FGF14: variants seen among roughly 807,000 people sequenced by gnomAD.
FGF14 encodes the protein fibroblast growth factor 14, also known as fibroblast growth factor homologous factor 4.
Under a neutral mutation model 25.5 loss-of-function variants are expected in FGF14, and 5 were observed. That is an observed-to-expected ratio of 0.20 (90% CI 0.10 to 0.41). The LOEUF is 0.41. Among genes scored for constraint, FGF14 ranks in the 10% least tolerant of loss-of-function variants. FGF14 has a pLI of 1.00. For synonymous variants in FGF14, 138 were observed against 118.3 expected (o/e 1.17, Z -1.08); for missense variants, 222 against 320.1 (o/e 0.69, Z 2.34).
At chr13:102,054,932 GC>G (rs2042366455) in intron 1 of FGF14, among the ~76,000 whole-genome samples, 2 of 152,228 alleles carry the variant, frequency 1.3e-5, no homozygotes, top group East Asian at 3.9e-4. Flanking sequence ...CCACAGCCAT[GC>G]CTTCATTTCT....
At chr13:102,280,288 G>A (rs1392738104) in intron 1 of FGF14, among the ~76,000 whole-genome samples, 2 of 152,142 alleles carry the variant, frequency 1.3e-5, no homozygotes, top group Non-Finnish European at 2.9e-5. Flanking sequence ...TTAACAGCTG[G>A]TACCAGAGTT....
chr13:102,300,823 T>C (rs2054999343), intron 1 of FGF14, among the ~76,000 whole-genome samples: 1 of 151,886 alleles, frequency 6.6e-6, no homozygotes, highest in South Asian at 2.1e-4. Context: ...CATGAGAGGA[T>C]TTTCAGGGAT....
chr13:101,773,699 AG>A (rs2139986080), intron 3 of FGF14, among the ~76,000 whole-genome samples: 1 of 151,882 alleles, frequency 6.6e-6, no homozygotes, highest in African/African-American at 2.4e-5. Flanking sequence ...AGTTGCAGAA[AG>A]ACTAGCTTAA....
chr13:101,941,648 G>T (rs961478515), intron 1 of FGF14, among the ~76,000 whole-genome samples: 1 of 152,170 alleles, frequency 6.6e-6, no homozygotes, highest in Non-Finnish European at 1.5e-5. Flanking sequence ...GCCATTTCTA[G>T]TTAGGCTTTT....
chr13:102,099,351 C>G (rs902672409), intron 1 of FGF14, among the ~76,000 whole-genome samples: 1 of 152,168 alleles, frequency 6.6e-6, no homozygotes, highest in Non-Finnish European at 1.5e-5. Flanking sequence ...TGCTCTTGCA[C>G]CGCTAAGCAC....
chr13:102,031,730 C>T (rs1465251535), intron 1 of FGF14, among the ~76,000 whole-genome samples: 1 of 150,880 alleles, frequency 6.6e-6, no homozygotes. Flanking sequence ...AGCACTGAGT[C>T]CATAAATGGG....
Position 101,714,253 on chromosome 13 carries a change from T to C in FGF14, c.*8578A>G. 1.7e-6 allele frequency: 1 copy of C among 593,640 alleles called. No homozygotes were observed. Among genetic ancestry groups the C allele is most frequent in the Non-Finnish European group, 3.0e-6 (1 of 332,516 alleles). 36.8% of individuals were successfully genotyped at this position (593,640 alleles called of 1,614,324 possible). The stretch of plus-strand genomic sequence containing the variant: ...CTGTCTAGATCCATAATGAAGGCTT[T>C]CCTGGGTGACCTTTATGAATTACAG... On this transcript the variant is annotated 3_prime_UTR_variant, in exon 5 of 5. Coordinates refer to ENST00000376143, the MANE Select transcript of FGF14 (RefSeq NM_004115.4).
chr13:102,152,474 T>C (rs1171719293), intron 1 of FGF14, among the ~76,000 whole-genome samples: 1 of 152,236 alleles, frequency 6.6e-6, no homozygotes, highest in South Asian at 2.1e-4. Flanking sequence ...TCATGATCTC[T>C]TCTCATAAGG....
At chr13:102,394,305 G>C (rs2058510668) in intron 1 of FGF14, 1 of 152,422 alleles carries the variant, frequency 6.6e-6, no homozygotes, top group African/African-American at 2.4e-5. Flanking sequence ...CATCCCTCAG[G>C]TCCAGCAGTG....
intron 1 of FGF14, among the ~76,000 whole-genome samples, chr13:102,258,748 T>C (rs1393733324): frequency 1.3e-5 from 2 of 152,190 alleles, no homozygotes; most frequent in African/African-American, 4.8e-5. Flanking sequence ...GTGAGAGATG[T>C]GCTCTTGGTT....
chr13:102,349,159 C>A (rs1414499842), intron 1 of FGF14, among the ~76,000 whole-genome samples: 1 of 152,174 alleles, frequency 6.6e-6, no homozygotes, highest in Non-Finnish European at 1.5e-5. Context: ...ATTCTCCAGA[C>A]CAAAATGTCA....
At chr13:102,362,879 T>C (rs1195509270) in intron 1 of FGF14, among the ~76,000 whole-genome samples, 4 of 152,146 alleles carry the variant, frequency 2.6e-5, no homozygotes, top group Admixed American at 6.6e-5. Flanking sequence ...ATAATAACTA[T>C]CTTTATCTAA....
rs143397477 is a variant in FGF14 at position 101,951,432 on chromosome 13, T to C, written c.209-76136A>G. On this transcript the variant is annotated intron_variant, in intron 1 of 4. Transcript: ENST00000376131. ...TTCAGTTTTCTAGAACCAATTATAATCTGTAAATTGGACAATTTTAGGAAT... is the reference window on the plus strand; with the variant it reads ...TTCAGTTTTCTAGAACCAATTATAACCTGTAAATTGGACAATTTTAGGAAT... 4.5e-4 allele frequency among the ~76,000 whole-genome samples: 68 copies of C among 152,240 alleles called. 1 individual carries two copies. Among genetic ancestry groups the C allele is most frequent in the African/African-American group, 1.5e-3 (64 of 41,564 alleles).
rs981533480 is a variant in FGF14, at chr13:101,828,172, G to T, written c.408+40553C>A. ...CTCTTTTAAAAAGAACAACAGCCAC[G>T]AATAGATGATTTGCAGTTCTTGTAA... On this transcript the variant is annotated intron_variant, in intron 3 of 4. Transcript: ENST00000376143. 7.9e-5 allele frequency among the ~76,000 whole-genome samples: 12 copies of T among 152,010 alleles called. No homozygotes were observed. The East Asian group carries it at 2.3e-3, about 29-fold the overall frequency.
intron 1 of FGF14, among the ~76,000 whole-genome samples, chr13:102,113,020 T>C (rs897726209): frequency 6.6e-6 from 1 of 152,234 alleles, no homozygotes; most frequent in Non-Finnish European, 1.5e-5. Context: ...TTTACTGACA[T>C]CTACTTAAAT....
intron 3 of FGF14, among the ~76,000 whole-genome samples, chr13:101,756,067 G>C (rs549339267): frequency 6.6e-6 from 1 of 152,094 alleles, no homozygotes; most frequent in Non-Finnish European, 1.5e-5. Flanking sequence ...TTTAGTACGA[G>C]AGCACAGCAG....
chr13:101,831,450 C>T (rs78841058), intron 3 of FGF14, among the ~76,000 whole-genome samples: 23 of 151,934 alleles, frequency 1.5e-4, no homozygotes, highest in African/African-American at 3.1e-4. Flanking sequence ...TTCTATCATA[C>T]GCTTCATGAA....
At chr13:102,069,660 C>A (rs2043073710) in intron 1 of FGF14, among the ~76,000 whole-genome samples, 1 of 152,136 alleles carries the variant, frequency 6.6e-6, no homozygotes, top group Non-Finnish European at 1.5e-5. Context: ...TCTGCAGCTT[C>A]ACTCCTGAGC....
intron 1 of FGF14, among the ~76,000 whole-genome samples, chr13:102,234,382 GA>G (rs543650508): frequency 1.4e-5 from 1 of 70,514 alleles, no homozygotes; most frequent in Non-Finnish European, 2.7e-5. Context: ...ACTTAAATGT[GA>G]AGGTACCTAG....
Sources: allele counts gnomAD v4.1 joint callset (sites outside exome capture counted in the v4.1 genomes callset), GRCh38; gene constraint gnomAD v4.1.1; transcripts MANE v1.5; gene names NCBI Gene and HGNC (gene_info 2026-07-23, HGNC 2026-07-21).